The following CDH12 variants were observed in gnomAD, a reference collection of about 807,000 sequenced individuals.
CDH12 encodes cadherin-12.
CDH12 carries 41 observed loss-of-function variants against 74.1 expected under a neutral mutation model. The ratio of observed to expected loss-of-function variants is 0.55; its 90% CI spans 0.43 to 0.72. The LOEUF (loss-of-function observed/expected upper bound fraction) is 0.72. Ranked by LOEUF, CDH12 falls within the 30% of genes least tolerant of loss-of-function variation. The pLI, the probability that CDH12 is intolerant of heterozygous loss-of-function variation, is 0.00. For missense variants in CDH12, 945 were observed against 977.2 expected, an observed-to-expected ratio of 0.97 and a Z score of 0.44; for synonymous variants, 399 against 355.0, an observed-to-expected ratio of 1.12 and a Z score of -1.39.
chr5:21,955,530 T>G (rs1479878503), intron 6 of CDH12, among the ~76,000 whole-genome samples: 1 of 151,930 alleles, frequency 6.6e-6, no homozygotes, highest in Non-Finnish European at 1.5e-5. Context: ...CAAACCAAAT[T>G]TGAAGAGAAA....
intron 4 of CDH12, among the ~76,000 whole-genome samples, chr5:22,171,687 T>C (rs1387566041): frequency 1.3e-5 from 2 of 151,924 alleles, no homozygotes; most frequent in Admixed American, 6.6e-5. Flanking sequence ...AGCTAGTAAG[T>C]GGTAGGGTCA....
chr5:22,823,722 A>G (rs1226522706), intron 1 of CDH12, among the ~76,000 whole-genome samples: 2 of 151,972 alleles, frequency 1.3e-5, no homozygotes, highest in Non-Finnish European at 2.9e-5. Flanking sequence ...TCTCATGATA[A>G]TAGGGGGAGT....
At chr5:21,802,747 A>G (rs1747204388) in intron 9 of CDH12, among the ~76,000 whole-genome samples, 1 of 151,602 alleles carries the variant, frequency 6.6e-6, no homozygotes, top group Admixed American at 6.6e-5. Flanking sequence ...GCCCGCCACC[A>G]TGCCTGGCTA....
intron 1 of CDH12, among the ~76,000 whole-genome samples, chr5:22,849,630 T>C (rs534129479): frequency 1.3e-5 from 2 of 152,212 alleles, no homozygotes; most frequent in South Asian, 4.1e-4. Context: ...TTTGAACACA[T>C]AGATTTAAGG....
chr5:22,213,730 T>A (rs546318472), intron 3 of CDH12: 1 of 152,268 alleles, frequency 6.6e-6, no homozygotes, highest in South Asian at 2.1e-4. Context: ...AGGATAAAAT[T>A]ATGCAAATAA....
At position 21,983,922 on chromosome 5, in the gene CDH12, C is replaced by A. The variant is rs982728406; in HGVS notation, c.232-8537G>T. On this transcript the variant is annotated intron_variant, in intron 5 of 14. Transcript: ENST00000382254. Reference sequence around the variant, plus strand: ...CTTTAAGTGTTCTTTTAAAAATAATCATATTCTTATTTTGTGAACTGTGGG... The same window carrying A: ...CTTTAAGTGTTCTTTTAAAAATAATAATATTCTTATTTTGTGAACTGTGGG... Among the ~76,000 whole-genome samples the A allele has an allele frequency of 2.6e-5, 4 of 152,082 alleles. No individual in the cohort carries two copies. The South Asian group carries it at 6.2e-4, about 24-fold the overall frequency.
intron 1 of CDH12, chr5:22,580,655 C>T (rs1740042968): frequency 2.3e-6 from 1 of 441,578 alleles, no homozygotes; most frequent in Non-Finnish European, 4.6e-6. Context: ...TAGGCACAGC[C>T]TGAACAAAGA....
At chr5:22,019,817 A>G (rs1737846885) in intron 5 of CDH12, among the ~76,000 whole-genome samples, 2 of 152,198 alleles carry the variant, frequency 1.3e-5, no homozygotes, top group Admixed American at 6.5e-5. Flanking sequence ...ATAATTAATG[A>G]TGCCTTGAGC....
At chr5:22,119,136 A>C (rs1353914491) in intron 4 of CDH12, among the ~76,000 whole-genome samples, 3 of 152,156 alleles carry the variant, frequency 2.0e-5, no homozygotes, top group Non-Finnish European at 4.4e-5. Context: ...TTTCGTTGTC[A>C]GGAGTCAGGC....
chr5:22,236,961 CT>C (rs148539740), intron 3 of CDH12, among the ~76,000 whole-genome samples: 11 of 150,550 alleles, frequency 7.3e-5, no homozygotes, highest in African/African-American at 1.5e-4. Context: ...TTTTATGGCT[CT>C]TTTTTTTTAA....
chr5:21,840,097 T>A (rs1749756875), intron 8 of CDH12, among the ~76,000 whole-genome samples: 1 of 152,088 alleles, frequency 6.6e-6, no homozygotes, highest in South Asian at 2.1e-4. Context: ...AGCATCAATA[T>A]CATCTGATAC....
intron 2 of CDH12, among the ~76,000 whole-genome samples, chr5:22,503,186 A>T (rs907394535): frequency 3.9e-5 from 6 of 152,162 alleles, no homozygotes; most frequent in Admixed American, 6.6e-5. Context: ...TGCATGATTT[A>T]TAATAAATTC....
intron 5 of CDH12, among the ~76,000 whole-genome samples, chr5:22,064,251 C>A (rs77147906): frequency 6.6e-6 from 1 of 152,080 alleles, no homozygotes; most frequent in African/African-American, 2.4e-5. Flanking sequence ...GCATGACTTG[C>A]GAATGCATGG....
chr5:22,643,175 A>T (rs1183363936), intron 1 of CDH12, among the ~76,000 whole-genome samples: 4 of 152,164 alleles, frequency 2.6e-5, no homozygotes, highest in Non-Finnish European at 5.9e-5. Context: ...GCTTCGTGAA[A>T]TAGATCTAGC....
chr5:22,236,846 G>A lies in CDH12; in HGVS notation c.-332-24203C>T, dbSNP rs1752577447. 2.6e-5 allele frequency among the ~76,000 whole-genome samples: 4 copies of A among 152,092 alleles called. 1 individual carries two copies. The East Asian group carries it at 5.8e-4, about 22-fold the overall frequency. Reference sequence around the variant, plus strand: ...CACCACCTTTCACCTCCACATCTTGGTCCACTGGAAGGTCTTCAGGGGCAG... The same window carrying A: ...CACCACCTTTCACCTCCACATCTTGATCCACTGGAAGGTCTTCAGGGGCAG... On this transcript the variant is annotated intron_variant, in intron 3 of 14. Coordinates refer to ENST00000382254, the MANE Select transcript of CDH12 (RefSeq NM_004061.5).
At chr5:22,780,659 G>A (rs1747342697) in intron 1 of CDH12, among the ~76,000 whole-genome samples, 2 of 152,058 alleles carry the variant, frequency 1.3e-5, no homozygotes, top group Non-Finnish European at 2.9e-5. Flanking sequence ...CACGATATGT[G>A]GGGATTATGG....
intron 3 of CDH12, among the ~76,000 whole-genome samples, chr5:22,230,473 ATTTTTTT>A: frequency 7.5e-6 from 1 of 133,616 alleles, no homozygotes; most frequent in African/African-American, 2.8e-5. Flanking sequence ...AGATGTCATA[ATTTTTTT>A]TTTTTTTTTT....
chr5:22,520,513 T>C (rs1737006085), intron 1 of CDH12, among the ~76,000 whole-genome samples: 1 of 152,172 alleles, frequency 6.6e-6, no homozygotes, highest in Admixed American at 6.5e-5. Context: ...CTGGAGGGCA[T>C]GGATACTTGT....
intron 1 of CDH12, among the ~76,000 whole-genome samples, chr5:22,649,754 T>C (rs1739634191): frequency 6.6e-6 from 1 of 151,920 alleles, no homozygotes; most frequent in Admixed American, 6.6e-5. Context: ...TCAGAAAAGC[T>C]TTTTTGCATG....
Sources: gnomAD v4.1 joint callset for allele counts (sites outside exome capture counted in the v4.1 genomes callset) on GRCh38, gnomAD v4.1.1 for gene constraint, MANE v1.5 for transcripts, NCBI Gene and HGNC (gene_info 2026-07-23, HGNC 2026-07-21) for gene names.